CDNF: variants seen among roughly 807,000 people sequenced by gnomAD.
CDNF encodes the protein ARMET-like protein 1.
CDNF carries 9 observed loss-of-function variants against 14.8 expected under a neutral mutation model. The observed-to-expected ratio is 0.61, with a 90% CI of 0.37 to 1.06. The LOEUF (loss-of-function observed/expected upper bound fraction) is 1.06. CDNF is among the 50% of genes least tolerant of loss of function. CDNF has a pLI of 0.01. For missense variants in CDNF, 228 were observed against 228.4 expected, an observed-to-expected ratio of 1.00 and a Z score of 0.01; for synonymous variants, 86 against 87.2, an observed-to-expected ratio of 0.99 and a Z score of 0.07.
At chr10:14,834,808 G>C (rs1462957603) in intron 1 of CDNF, among the ~76,000 whole-genome samples, 6 of 152,146 alleles carry the variant, frequency 3.9e-5, no homozygotes, top group Admixed American at 6.5e-5. Context: ...TACTAAATAA[G>C]GAAGTAATAT....
intron 3 of CDNF, among the ~76,000 whole-genome samples, chr10:14,820,690 G>A (rs769744493): frequency 6.6e-6 from 1 of 151,972 alleles, no homozygotes; most frequent in African/African-American, 2.4e-5. Context: ...CCGAGATCAC[G>A]CCATGCACTC....
chr10:14,830,854 A>C (rs1445909720), intron 1 of CDNF, among the ~76,000 whole-genome samples: 2 of 152,132 alleles, frequency 1.3e-5, no homozygotes, highest in East Asian at 3.9e-4. Flanking sequence ...CTCAAAAAAC[A>C]AAACAAGACA....
chr10:14,834,790 C>T (rs2131628798), intron 1 of CDNF, among the ~76,000 whole-genome samples: 1 of 152,134 alleles, frequency 6.6e-6, no homozygotes, highest in African/African-American at 2.4e-5. Context: ...TGGGAAACTG[C>T]TGAAAGATAC....
chr10:14,823,658 G>C (rs77037926), intron 3 of CDNF, among the ~76,000 whole-genome samples: 9,693 of 152,188 alleles, frequency 0.064, 465 homozygotes, highest in South Asian at 0.21. Flanking sequence ...CTCCTGAGTA[G>C]TTAGGACTAT....
At chr10:14,837,715 G>A in intron 1 of CDNF, 117 bp downstream of exon 1, 1 of 627,214 alleles carries the variant, frequency 1.6e-6, no homozygotes, top group Non-Finnish European at 2.8e-6. Context: ...GAGGGACAGG[G>A]CCTGCATTTC....
intron 3 of CDNF, among the ~76,000 whole-genome samples, chr10:14,823,485 A>G (rs1319565436): frequency 6.6e-6 from 1 of 152,234 alleles, no homozygotes; most frequent in South Asian, 2.1e-4. Flanking sequence ...TGAATTTAAA[A>G]AATCAAAAGA....
chr10:14,837,753 G>A, intron 1 of CDNF, 79 bp downstream of exon 1: 6 of 786,786 alleles, frequency 7.6e-6, no homozygotes, highest in East Asian at 2.7e-5. Flanking sequence ...TATAGCCAGG[G>A]CCAGGAGAAG....
chr10:14,836,565 CAT>C (rs1833889137), intron 1 of CDNF, among the ~76,000 whole-genome samples: 1 of 152,168 alleles, frequency 6.6e-6, no homozygotes, highest in Non-Finnish European at 1.5e-5. Context: ...CGAGTAATAA[CAT>C]GTAGATATTT....
intron 3 of CDNF, among the ~76,000 whole-genome samples, chr10:14,823,710 A>G (rs575326865): frequency 1.3e-5 from 2 of 152,240 alleles, no homozygotes; most frequent in Admixed American, 1.3e-4. Context: ...GTATTTTTGT[A>G]GAGACAGGGT....
chr10:14,826,029 G>GAAGGAGAAGA (rs1833779022), intron 2 of CDNF, among the ~76,000 whole-genome samples: 3 of 86,114 alleles, frequency 3.5e-5, no homozygotes, highest in African/African-American at 5.2e-5. Flanking sequence ...GAAGAAGAAG[G>GAAGGAGAAGA]AGAAGAAGAA....
In CDNF at chr10:14,837,978, C is replaced by G; in HGVS notation, c.-32G>C. ...CCAGCAGCTTCAATCGCCTCCGCCACCCGCGCCCACCGCCCACCAAGCTGC... is the reference window on the plus strand; with the variant it reads ...CCAGCAGCTTCAATCGCCTCCGCCAGCCGCGCCCACCGCCCACCAAGCTGC... On this transcript the variant is annotated 5_prime_UTR_variant, in exon 1 of 4. Coordinates refer to ENST00000465530, the MANE Select transcript of CDNF (RefSeq NM_001029954.3). The G allele has an allele frequency of 6.7e-7, 1 of 1,494,606 alleles. No individual in the cohort carries two copies. The highest frequency in any genetic ancestry group is 1.4e-5 in the African/African-American group (1 of 72,562). The allele number at this position is 1,494,606 out of a possible 1,614,324, so 92.6% of individuals were successfully genotyped here.
intron 1 of CDNF, among the ~76,000 whole-genome samples, chr10:14,831,782 G>C (rs1019047146): frequency 6.6e-6 from 1 of 152,028 alleles, no homozygotes; most frequent in African/African-American, 2.4e-5. Context: ...CACCATGTTG[G>C]CCAGGACGGT....
At chr10:14,823,981 C>T (rs1287822298) in intron 3 of CDNF, among the ~76,000 whole-genome samples, 1 of 152,182 alleles carries the variant, frequency 6.6e-6, no homozygotes, top group African/African-American at 2.4e-5. Flanking sequence ...TGGTAACTTT[C>T]AACCTTAAAC....
At chr10:14,826,023 A>G (rs1432462061) in intron 2 of CDNF, among the ~76,000 whole-genome samples, 47 of 115,960 alleles carry the variant, frequency 4.1e-4, no homozygotes, top group East Asian at 2.0e-3. Flanking sequence ...GCAGAAGAAG[A>G]AGAAGGAGAA....
chr10:14,829,024 C>A (rs1479957299), intron 1 of CDNF, among the ~76,000 whole-genome samples: 1 of 151,884 alleles, frequency 6.6e-6, no homozygotes, highest in Non-Finnish European at 1.5e-5. Context: ...GACCCTGTCT[C>A]AAGAAAATTA....
intron 1 of CDNF, among the ~76,000 whole-genome samples, chr10:14,832,660 G>T (rs1344759346): frequency 6.6e-6 from 1 of 152,096 alleles, no homozygotes; most frequent in Non-Finnish European, 1.5e-5. Context: ...TATCTTGAAG[G>T]AAGAGCCAAA....
chr10:14,837,869 GC>G lies in CDNF; in HGVS notation c.77del (p.Gly26AlafsTer19). ...LLVSHPVLTQGQEAGGRPGAD... is the reference protein window; with the variant it reads ...LLVSHPVLTQXQEAGGRPGAD... ...CCCCTGGCCGCCCCCCGGCCTCCTGGCCCTGCGTCAGCACCGGGTGAGAGAC... is the reference window on the plus strand; with the variant it reads ...CCCCTGGCCGCCCCCCGGCCTCCTGGCCTGCGTCAGCACCGGGTGAGAGAC... On this transcript the variant is annotated frameshift_variant, in exon 1 of 4. Coordinates refer to ENST00000465530, the MANE Select transcript of CDNF (RefSeq NM_001029954.3). LOFTEE classifies it high-confidence loss of function. 1.2e-6 allele frequency: 2 copies of G among 1,604,706 alleles called. No homozygotes were observed. The highest frequency in any genetic ancestry group is 1.7e-6 in the Non-Finnish European group (2 of 1,177,656).
Position 14,825,493 on chromosome 10 carries a change from C to T in CDNF, c.371G>A (p.Cys124Tyr). 6.2e-7 allele frequency: 1 copy of T among 1,614,060 alleles called. No individual in the cohort carries two copies. The highest frequency in any genetic ancestry group is 8.5e-7 in the Non-Finnish European group (1 of 1,179,980). The stretch of plus-strand genomic sequence containing the variant: ...CTGTGTTATACCATATTTCAGCTCA[C>T]AGATCTGGCTATCCAACTTCTTCAG... ...EKLKKLDSQI[C>Y]ELKYEKTLDL... Residue 124 changes from cysteine (C) to tyrosine (Y), a missense_variant, in exon 3 of 4, where the codon TGT becomes TAT. Cys to Tyr is a radical substitution (Grantham distance 194). Coordinates refer to ENST00000465530, the MANE Select transcript of CDNF (RefSeq NM_001029954.3).
At chr10:14,828,375 A>G in intron 1 of CDNF, 103 bp from the exon 2 acceptor site, 1 of 1,137,652 alleles carries the variant, frequency 8.8e-7, no homozygotes, top group Non-Finnish European at 1.3e-6. Flanking sequence ...GGGGCTGGGC[A>G]TGGTGGCTTA....
Sources: allele counts gnomAD v4.1 joint callset (sites outside exome capture counted in the v4.1 genomes callset), GRCh38; gene constraint gnomAD v4.1.1; transcripts MANE v1.5; gene names NCBI Gene and HGNC (gene_info 2026-07-23, HGNC 2026-07-21).